Variants in SMC3 observed in about 807,000 individuals in gnomAD.
SMC3 encodes the protein structural maintenance of chromosomes 3, also known as structural maintenance of chromosomes protein 3.
Under a neutral mutation model 171.8 loss-of-function variants are expected in SMC3, and 20 were observed. The ratio of observed to expected loss-of-function variants is 0.12; its 90% CI spans 0.08 to 0.17. The LOEUF is 0.17. Ranked by LOEUF, SMC3 falls within the 10% of genes least tolerant of loss-of-function variation. The probability of loss-of-function intolerance (pLI) is 1.00; values close to 1 mark genes in which losing one functional copy is unlikely to be tolerated. For synonymous variants in SMC3, 464 were observed against 451.1 expected, an observed-to-expected ratio of 1.03 and a Z score of -0.36; for missense variants, 543 against 1,420.4, an observed-to-expected ratio of 0.38 and a Z score of 9.93.
intron 1 of SMC3, among the ~76,000 whole-genome samples, chr10:110,568,099 C>T (rs1294629759): frequency 1.3e-5 from 2 of 152,008 alleles, no homozygotes. Context: ...GTGGAAGGGC[C>T]GGCGGGCGGG....
Position 110,601,648 on chromosome 10 carries a change from T to G in SMC3, c.2656T>G (p.Ser886Ala), listed in dbSNP as rs775665831. 1.2e-5 allele frequency: 20 copies of G among 1,611,840 alleles called. No homozygotes were observed. The East Asian group carries it at 4.5e-4, about 36-fold the overall frequency. ...TCCCCCCATCTTAGATTTGGACAAT[T>G]CCATTGATAAAACAGAAGCTGGAAT... ...TMARSEDLDN[S>A]IDKTEAGIKE... is the part of the protein sequence containing the mutation. Residue 886 changes from serine to alanine, a missense_variant, in exon 24 of 29, where the codon TCC (serine) becomes GCC (alanine). Ser to Ala is a moderately conservative substitution (Grantham distance 99, BLOSUM62 1). This residue lies in a region of SMC3 where 81 missense variants were observed against 184.2 expected (regional missense o/e 0.44). Transcript: ENST00000361804.
At chr10:110,599,896 GAAAGA>G (rs2134750228) in intron 21 of SMC3, 84 bp downstream of exon 21, 2 of 1,199,292 alleles carry the variant, frequency 1.7e-6, no homozygotes, top group Admixed American at 1.7e-5. Context: ...AGGGCAATAT[GAAAGA>G]AAAGAACTGA....
At chr10:110,569,410 C>T (rs1429138174) in intron 2 of SMC3, among the ~76,000 whole-genome samples, 2 of 152,030 alleles carry the variant, frequency 1.3e-5, no homozygotes, top group Non-Finnish European at 2.9e-5. Context: ...TCTCTAAGGA[C>T]AGACCATGTA....
intron 1 of SMC3, among the ~76,000 whole-genome samples, 175 bp from the exon 2 acceptor site, chr10:110,568,763 G>A (rs1384540679): frequency 7.0e-6 from 1 of 143,574 alleles, no homozygotes; most frequent in African/African-American, 2.7e-5. Context: ...ACCGATAAAA[G>A]TACCTTTTTT....
chr10:110,578,427 A>G (rs1034794386), intron 6 of SMC3, among the ~76,000 whole-genome samples: 3 of 152,228 alleles, frequency 2.0e-5, no homozygotes, highest in East Asian at 1.9e-4. Flanking sequence ...CCTGCTTCAT[A>G]TATGAGGAAT....
intron 28 of SMC3, 102 bp downstream of exon 28, chr10:110,603,392 C>A (rs1432056472): frequency 2.6e-6 from 2 of 756,610 alleles, no homozygotes; most frequent in Non-Finnish European, 4.5e-6. Flanking sequence ...CTTAGAAAGT[C>A]TTTGCTTATC....
At chr10:110,577,947 ATATG>A in intron 6 of SMC3, 33 bp downstream of exon 6, 1 of 1,413,524 alleles carries the variant, frequency 7.1e-7, no homozygotes, top group South Asian at 1.2e-5. Context: ...AAAAAACTGA[ATATG>A]TACTTAAATA....
chr10:110,597,939 G>A (rs1365585652), intron 19 of SMC3, among the ~76,000 whole-genome samples, 200 bp from the exon 20 acceptor site: 1 of 152,168 alleles, frequency 6.6e-6, no homozygotes, highest in African/African-American at 2.4e-5. Flanking sequence ...AGTGAAATGG[G>A]GTGAAATGTT....
At chr10:110,593,719 C>T (rs1861246921) in intron 18 of SMC3, among the ~76,000 whole-genome samples, 1 of 150,856 alleles carries the variant, frequency 6.6e-6, no homozygotes, top group African/African-American at 2.4e-5. Context: ...CATGGTGGCT[C>T]ACATCTATAT....
intron 11 of SMC3, 36 bp from the exon 12 acceptor site, chr10:110,583,805 A>T (rs527621080): frequency 6.2e-7 from 1 of 1,607,958 alleles, no homozygotes; most frequent in Non-Finnish European, 8.5e-7. Flanking sequence ...TTATGCAAAA[A>T]ATTTAAAGCA....
At chr10:110,592,949 C>T (rs2134739944) in intron 17 of SMC3, 124 bp from the exon 18 acceptor site, 1 of 853,414 alleles carries the variant, frequency 1.2e-6, no homozygotes. Context: ...AGGGAAAACG[C>T]CAATCGTTTT....
intron 13 of SMC3, 93 bp downstream of exon 13, chr10:110,584,489 T>A: frequency 1.2e-6 from 1 of 839,444 alleles, no homozygotes; most frequent in Non-Finnish European, 2.0e-6. Flanking sequence ...TAAATAAGTC[T>A]ACATGTTGCT....
Position 110,597,027 on chromosome 10 carries a change from C to G in SMC3, c.2116+477C>G, listed in dbSNP as rs56039323. ...TGTACAGTGGCACAGGCCTGTAGTC[C>G]CAGCTACTTGGGAGGCTGAGGCAGG... On this transcript the variant is annotated intron_variant, in intron 19 of 28. Transcript: ENST00000361804. Among the ~76,000 whole-genome samples the G allele has an allele frequency of 4.7e-3, 715 of 151,632 alleles. 8 individuals carry two copies. Among genetic ancestry groups the G allele is most frequent in the African/African-American group, 0.016 (676 of 41,372 alleles).
Position 110,591,338 on chromosome 10 carries a change from G to A in SMC3, c.1812+206G>A, listed in dbSNP as rs144387659. On this transcript the variant is annotated intron_variant, in intron 17 of 28. Transcript: ENST00000361804. ...AGCTATGATTGGTGTGGTGATGCAC[G>A]CCTGTAATCCCAGCTACTTGGGAGG... Among the ~76,000 whole-genome samples the A allele has an allele frequency of 5.0e-3, 761 of 152,156 alleles. 1 individual carries two copies. Among genetic ancestry groups the A allele is most frequent in the Non-Finnish European group, 7.2e-3 (489 of 67,992 alleles).
At chr10:110,592,896 A>G (rs1322187076) in intron 17 of SMC3, among the ~76,000 whole-genome samples, 177 bp from the exon 18 acceptor site, 2 of 152,200 alleles carry the variant, frequency 1.3e-5, no homozygotes, top group East Asian at 3.9e-4. Context: ...ACAAGAGCAA[A>G]ATTACCAGGA....
intron 18 of SMC3, among the ~76,000 whole-genome samples, chr10:110,593,685 A>G (rs1861246307): frequency 1.3e-5 from 2 of 152,036 alleles, no homozygotes; most frequent in East Asian, 3.9e-4. Context: ...TATTCGAAAA[A>G]TTCATCCTTT....
chr10:110,578,273 C>G (rs561094771), intron 6 of SMC3, among the ~76,000 whole-genome samples: 3 of 152,100 alleles, frequency 2.0e-5, no homozygotes, highest in African/African-American at 7.2e-5. Flanking sequence ...GGGGTTTCAC[C>G]ATGTTGGCAG....
At chr10:110,575,084 G>A (rs188560168) in intron 3 of SMC3, among the ~76,000 whole-genome samples, 16 of 152,020 alleles carry the variant, frequency 1.1e-4, no homozygotes, top group African/African-American at 3.4e-4. Context: ...CATGTATTTC[G>A]GTGGTTTCTC....
In SMC3 at chr10:110,567,810, C is replaced by G. The variant is rs774724407; in HGVS notation, c.-7C>G. 1.9e-6 allele frequency: 3 copies of G among 1,613,376 alleles called. No homozygotes were observed. Among genetic ancestry groups the G allele is most frequent in the African/African-American group, 2.7e-5 (2 of 74,932 alleles). On this transcript the variant is annotated 5_prime_UTR_variant, in exon 1 of 29. Transcript: ENST00000361804. ...CAGGTCTCCTTCCAGGCCAGGGGCC[C>G]GGAATCATGTACATAAAGCAGGTAA...
Sources: gnomAD v4.1 joint callset for allele counts (sites outside exome capture counted in the v4.1 genomes callset) on GRCh38, gnomAD v4.1.1 for gene constraint, gnomAD v4.1.1 regional missense constraint, MANE v1.5 for transcripts, NCBI Gene and HGNC (gene_info 2026-07-23, HGNC 2026-07-21) for gene names.